Variants in INSYN2B observed in about 807,000 individuals in gnomAD.
The protein encoded by INSYN2B is inhibitory synaptic factor family member 2B.
INSYN2B carries 16 observed loss-of-function variants against 41.2 expected under a neutral mutation model. The observed-to-expected ratio is 0.39, with a 90% CI of 0.26 to 0.59. The LOEUF (loss-of-function observed/expected upper bound fraction) is 0.59. INSYN2B is among the 20% of genes least tolerant of loss of function. INSYN2B has a pLI of 0.57. For synonymous variants in INSYN2B, 245 were observed against 244.4 expected, an observed-to-expected ratio of 1.00 and a Z score of -0.02; for missense variants, 608 against 646.4, an observed-to-expected ratio of 0.94 and a Z score of 0.64.
chr5:169,881,494 C>A, intron 2 of INSYN2B, 52 bp from the exon 3 acceptor site: 2 of 1,412,586 alleles, frequency 1.4e-6, no homozygotes, highest in South Asian at 2.5e-5. Flanking sequence ...GTCACGTGGG[C>A]CACAAACATT....
chr5:169,966,112 T>C (rs1447751916), intron 1 of INSYN2B, among the ~76,000 whole-genome samples: 1 of 152,256 alleles, frequency 6.6e-6, no homozygotes, highest in Non-Finnish European at 1.5e-5. Flanking sequence ...TACTTTGAAG[T>C]TGTAAGGCCT....
intron 1 of INSYN2B, among the ~76,000 whole-genome samples, chr5:169,937,422 A>G (rs923726625): frequency 1.3e-5 from 2 of 152,244 alleles, no homozygotes; most frequent in African/African-American, 2.4e-5. Flanking sequence ...AATAGGGATG[A>G]TACAAAGACT....
intron 1 of INSYN2B, among the ~76,000 whole-genome samples, chr5:169,914,251 C>T (rs1183242270): frequency 6.6e-6 from 1 of 152,216 alleles, no homozygotes; most frequent in Non-Finnish European, 1.5e-5. Flanking sequence ...TCTCCTCATA[C>T]TATGTTCTAA....
chr5:169,917,394 G>A (rs1431684670), intron 1 of INSYN2B, among the ~76,000 whole-genome samples: 3 of 152,116 alleles, frequency 2.0e-5, no homozygotes, highest in African/African-American at 4.8e-5. Context: ...TTTTTTTCCA[G>A]TAGTAAAAAT....
chr5:169,897,941 C>T (rs536006948), intron 1 of INSYN2B, among the ~76,000 whole-genome samples: 2 of 152,290 alleles, frequency 1.3e-5, no homozygotes, highest in South Asian at 2.1e-4. Flanking sequence ...CAAAGCTGCT[C>T]CCCTAGAAAT....
chr5:169,940,759 C>A (rs1020086075), intron 1 of INSYN2B, among the ~76,000 whole-genome samples: 41 of 152,166 alleles, frequency 2.7e-4, no homozygotes, highest in Non-Finnish European at 1.3e-4. Flanking sequence ...TGATGGGGAG[C>A]AGCTGTAAAT....
At chr5:169,975,486 T>TC (rs1777683114) in intron 1 of INSYN2B, among the ~76,000 whole-genome samples, 1 of 152,138 alleles carries the variant, frequency 6.6e-6, no homozygotes, top group Non-Finnish European at 1.5e-5. Context: ...TACGGAGCCT[T>TC]CCCTCAGTCA....
intron 1 of INSYN2B, among the ~76,000 whole-genome samples, chr5:169,885,070 A>C (rs1222573158): frequency 1.3e-5 from 2 of 152,154 alleles, no homozygotes; most frequent in African/African-American, 4.8e-5. Flanking sequence ...CCTGTTCATC[A>C]GTCAAGTCCC....
intron 1 of INSYN2B, among the ~76,000 whole-genome samples, chr5:169,894,156 C>T (rs993411521): frequency 1.3e-5 from 2 of 152,180 alleles, no homozygotes; most frequent in African/African-American, 2.4e-5. Flanking sequence ...TTCCACCTCA[C>T]AACAAGTTTT....
intron 1 of INSYN2B, among the ~76,000 whole-genome samples, chr5:169,907,101 G>A (rs894396401): frequency 1.2e-4 from 18 of 152,124 alleles, no homozygotes; most frequent in South Asian, 2.1e-4. Context: ...TTTTAGGAAC[G>A]CCAGTTGAAA....
chr5:169,892,362 T>C (rs1266600454), intron 1 of INSYN2B, among the ~76,000 whole-genome samples: 1 of 152,252 alleles, frequency 6.6e-6, no homozygotes, highest in Non-Finnish European at 1.5e-5. Context: ...GCTTCTAGCA[T>C]GGAGCAGGAG....
At chr5:169,880,128 A>G (rs565543345) in intron 3 of INSYN2B, among the ~76,000 whole-genome samples, 66 of 152,324 alleles carry the variant, frequency 4.3e-4, no homozygotes, top group African/African-American at 1.5e-3. Flanking sequence ...AGGCTTTCCA[A>G]TGCTGCAGGG....
chr5:169,872,086 G>A (rs930165259), intron 3 of INSYN2B, among the ~76,000 whole-genome samples: 10 of 152,166 alleles, frequency 6.6e-5, no homozygotes, highest in African/African-American at 2.4e-4. Context: ...GCCGAGAAGT[G>A]AATGATTCAT....
At chr5:169,896,453 TG>T (rs1773613988) in intron 1 of INSYN2B, among the ~76,000 whole-genome samples, 1 of 152,230 alleles carries the variant, frequency 6.6e-6, no homozygotes, top group Admixed American at 6.5e-5. Context: ...TTAACCTCTC[TG>T]GGCTATGATT....
chr5:169,893,776 C>T (rs1308044445), intron 1 of INSYN2B, among the ~76,000 whole-genome samples: 1 of 152,174 alleles, frequency 6.6e-6, no homozygotes, highest in East Asian at 1.9e-4. Flanking sequence ...AGAGTTGGCA[C>T]AGGCCACTTC....
intron 1 of INSYN2B, among the ~76,000 whole-genome samples, chr5:169,898,291 A>T (rs1458221808): frequency 1.3e-5 from 2 of 152,174 alleles, no homozygotes; most frequent in South Asian, 2.1e-4. Flanking sequence ...GGGAAGGGCC[A>T]TATATTGCTC....
chr5:169,920,083 C>A (rs1420760053), intron 1 of INSYN2B, among the ~76,000 whole-genome samples: 1 of 152,086 alleles, frequency 6.6e-6, no homozygotes, highest in Non-Finnish European at 1.5e-5. Flanking sequence ...GATTTTATCT[C>A]CGGTGAATAG....
chr5:169,878,517 G>A (rs1772456090), intron 3 of INSYN2B, among the ~76,000 whole-genome samples: 1 of 152,196 alleles, frequency 6.6e-6, no homozygotes, highest in African/African-American at 2.4e-5. Context: ...TGCTTGCTCA[G>A]GGCTGTGAAA....
At chr5:169,915,414 G>A (rs1391765454) in intron 1 of INSYN2B, among the ~76,000 whole-genome samples, 1 of 152,086 alleles carries the variant, frequency 6.6e-6, no homozygotes, top group African/African-American at 2.4e-5. Context: ...CCATTTTGCT[G>A]GTGGAAAACT....
Sources: gnomAD v4.1 joint callset for allele counts (sites outside exome capture counted in the v4.1 genomes callset) on GRCh38, gnomAD v4.1.1 for gene constraint, MANE v1.5 for transcripts, NCBI Gene and HGNC (gene_info 2026-07-23, HGNC 2026-07-21) for gene names.